Variants in KCNJ3 observed in about 807,000 individuals in gnomAD.
KCNJ3 encodes the protein potassium inwardly rectifying channel subfamily J member 3, also known as G protein-activated inward rectifier potassium channel 1.
A neutral mutation model predicts 39.2 loss-of-function variants in KCNJ3; 4 were observed. The observed-to-expected ratio is 0.10, with a 90% confidence interval of 0.05 to 0.23. KCNJ3 has a LOEUF of 0.23. KCNJ3 is among the 10% of genes least tolerant of loss of function. The pLI is 1.00. For synonymous variants in KCNJ3, 230 were observed against 237.4 expected (o/e 0.97, Z 0.29); for missense variants, 276 against 634.9 (o/e 0.43, Z 6.08).
intron 2 of KCNJ3, among the ~76,000 whole-genome samples, chr2:154,817,487 A>C (rs187159237): frequency 2.6e-5 from 4 of 152,272 alleles, no homozygotes; most frequent in Admixed American, 2.0e-4. Flanking sequence ...TAGATGTGTC[A>C]CAAAAAATGA....
chr2:154,831,238 G>GTGAT (rs757751545), intron 2 of KCNJ3, among the ~76,000 whole-genome samples: 1 of 152,010 alleles, frequency 6.6e-6, no homozygotes, highest in Non-Finnish European at 1.5e-5. Flanking sequence ...TTTTTTTCAG[G>GTGAT]TGATAAGTAC....
In KCNJ3 at chr2:154,839,801, A is replaced by ATTTG. The variant is rs554958834; in HGVS notation, c.920-14921_920-14918dup. On this transcript the variant is annotated intron_variant, in intron 2 of 2. Transcript: ENST00000295101. The stretch of plus-strand genomic sequence containing the variant: ...GGGTTGTTTGTTTTTTTTCTTGTAA[A>ATTTG]TTTGTTTGAGTTCTTTGTAGATTCC... Among the ~76,000 whole-genome samples, 177 of 151,968 alleles carry ATTTG rather than the reference A, an allele frequency of 1.2e-3. 2 individuals carry two copies. Among genetic ancestry groups the ATTTG allele is most frequent in the African/African-American group, 4.1e-3 (171 of 41,446 alleles).
At chr2:154,747,941 G>A (rs571535381) in intron 2 of KCNJ3, among the ~76,000 whole-genome samples, 1 of 152,012 alleles carries the variant, frequency 6.6e-6, no homozygotes, top group African/African-American at 2.4e-5. Flanking sequence ...ATCCTGACCA[G>A]TTCTTACCAA....
intron 2 of KCNJ3, among the ~76,000 whole-genome samples, chr2:154,765,424 C>T (rs62170803): frequency 0.058 from 8,893 of 152,200 alleles, 306 homozygotes; most frequent in Admixed American, 0.11. Context: ...ATTAATTTCT[C>T]TTGCTAGAAT....
At chr2:154,802,354 T>G (rs2105217451) in intron 2 of KCNJ3, among the ~76,000 whole-genome samples, 1 of 152,276 alleles carries the variant, frequency 6.6e-6, no homozygotes, top group African/African-American at 2.4e-5. Context: ...ATTAGGGATC[T>G]TAATCAGTAT....
intron 2 of KCNJ3, among the ~76,000 whole-genome samples, chr2:154,763,282 G>A (rs1039143570): frequency 3.9e-5 from 6 of 152,168 alleles, no homozygotes; most frequent in South Asian, 2.1e-4. Flanking sequence ...AGAAATAAAC[G>A]GAATCTTTTT....
chr2:154,842,639 A>G (rs544462484), intron 2 of KCNJ3, among the ~76,000 whole-genome samples: 1 of 152,274 alleles, frequency 6.6e-6, no homozygotes, highest in East Asian at 1.9e-4. Context: ...TTGGGTGCAT[A>G]TATATTTAGG....
chr2:154,785,756 TC>T (rs1447536921), intron 2 of KCNJ3, among the ~76,000 whole-genome samples: 2 of 152,188 alleles, frequency 1.3e-5, no homozygotes, highest in African/African-American at 4.8e-5. Context: ...TTAGCACATA[TC>T]CCTGATGTGT....
chr2:154,845,484 G>GTAGT (rs533696998), intron 2 of KCNJ3, among the ~76,000 whole-genome samples: 262 of 152,224 alleles, frequency 1.7e-3, no homozygotes, highest in African/African-American at 6.1e-3. Flanking sequence ...ATATTATATT[G>GTAGT]TAGTTATATA....
chr2:154,855,488 G>A lies in KCNJ3; in HGVS notation c.*175G>A. ...GAATGTGCAGAAAGCAACAGTTACG[G>A]AGGGAGGACATCATAAGGAAGTTAT... is the stretch of plus-strand genomic sequence containing the variant. On this transcript the variant is annotated 3_prime_UTR_variant, in exon 3 of 3. Transcript: ENST00000295101. 1 of 561,704 alleles carries A rather than the reference G, an allele frequency of 1.8e-6. No homozygotes were observed. Among genetic ancestry groups the A allele is most frequent in the Non-Finnish European group, 3.1e-6 (1 of 318,174 alleles). The allele number at this position is 561,704 out of a possible 1,614,324, so 34.8% of individuals were successfully genotyped here.
chr2:154,796,786 G>A (rs1686727479), intron 2 of KCNJ3, among the ~76,000 whole-genome samples: 1 of 152,072 alleles, frequency 6.6e-6, no homozygotes, highest in Admixed American at 6.6e-5. Flanking sequence ...ATTTGGAAGG[G>A]TGCTTAAGAG....
chr2:154,835,135 A>G (rs1687431473), intron 2 of KCNJ3, among the ~76,000 whole-genome samples: 1 of 152,022 alleles, frequency 6.6e-6, no homozygotes, highest in Admixed American at 6.6e-5. Flanking sequence ...AACTTTTGTT[A>G]AATAAGACAT....
chr2:154,767,835 C>T (rs1267930533), intron 2 of KCNJ3, among the ~76,000 whole-genome samples: 18 of 152,208 alleles, frequency 1.2e-4, no homozygotes, highest in Admixed American at 1.0e-3. Context: ...TCTCCACATC[C>T]TCTCTAACAC....
intron 2 of KCNJ3, among the ~76,000 whole-genome samples, chr2:154,833,931 A>G (rs188500369): frequency 6.6e-6 from 1 of 152,182 alleles, no homozygotes; most frequent in East Asian, 1.9e-4. Context: ...TCTGTCTCCT[A>G]CTGAAGGCAT....
At chr2:154,705,774 A>G (rs1447725894) in intron 1 of KCNJ3, among the ~76,000 whole-genome samples, 3 of 152,184 alleles carry the variant, frequency 2.0e-5, no homozygotes, top group African/African-American at 7.2e-5. Context: ...CAGTTAATTT[A>G]AACAATTAAT....
At chr2:154,798,102 C>T (rs1257287000) in intron 2 of KCNJ3, among the ~76,000 whole-genome samples, 1 of 151,718 alleles carries the variant, frequency 6.6e-6, no homozygotes, top group Non-Finnish European at 1.5e-5. Flanking sequence ...AAAGCATTCA[C>T]ATACACCCCA....
chr2:154,780,799 A>G lies in KCNJ3; in HGVS notation c.919+70980A>G, dbSNP rs947755879. 3.9e-5 allele frequency among the ~76,000 whole-genome samples: 6 copies of G among 152,210 alleles called. No homozygotes were observed. The East Asian group carries it at 7.7e-4, about 20-fold the overall frequency. ...CTCTTTTTCGAACAAAGAAATTGAC[A>G]TGAATAATTTCTGAACAGCAAAGAA... On this transcript the variant is annotated intron_variant, in intron 2 of 2. Coordinates refer to ENST00000295101, the MANE Select transcript of KCNJ3 (RefSeq NM_002239.4).
At position 154,699,109 on chromosome 2, in the gene KCNJ3, C is replaced by T; in HGVS notation, c.334C>T (p.Leu112=). 2 of 1,614,248 alleles carry T rather than the reference C, an allele frequency of 1.2e-6. No homozygotes were observed. The highest frequency in any genetic ancestry group is 2.2e-5 in the South Asian group (2 of 91,086). Reference sequence around the variant, plus strand: ...GGTGATCGCCTACACTCGGGGCGACCTGAACAAAGCCCACGTCGGTAACTA... The same window carrying T: ...GGTGATCGCCTACACTCGGGGCGACTTGAACAAAGCCCACGTCGGTAACTA... ...WWVIAYTRGD[L]NKAHVGNYTP... is the part of the protein sequence containing the mutation. Residue 112 remains leucine, a synonymous_variant, in exon 1 of 3, where the codon CTG becomes TTG. Coordinates refer to ENST00000295101, the MANE Select transcript of KCNJ3 (RefSeq NM_002239.4). This position sits in a 1 kb window ranked among gnomAD's most constrained non-coding sequence, Gnocchi z 6.4.
intron 1 of KCNJ3, among the ~76,000 whole-genome samples, chr2:154,707,347 C>T (rs1030046539): frequency 2.0e-5 from 3 of 151,938 alleles, no homozygotes; most frequent in African/African-American, 7.2e-5. Flanking sequence ...CAGATATATG[C>T]ATATTTAAGC....
Sources: gnomAD v4.1 joint callset for allele counts (sites outside exome capture counted in the v4.1 genomes callset) on GRCh38, gnomAD v4.1.1 for gene constraint, Gnocchi (gnomAD v3.1) non-coding constraint, MANE v1.5 for transcripts, NCBI Gene and HGNC (gene_info 2026-07-23, HGNC 2026-07-21) for gene names.